The following NINL variants were observed in gnomAD, a reference collection of about 807,000 sequenced individuals.
NINL encodes ninein-like protein.
In NINL, 153 loss-of-function variants were observed where a neutral mutation model predicts 160.3. The observed-to-expected ratio is 0.95, with a 90% confidence interval of 0.84 to 1.09. The LOEUF (loss-of-function observed/expected upper bound fraction) is 1.09. NINL is among the 50% of genes least tolerant of loss of function. The pLI, the probability that NINL is intolerant of heterozygous loss-of-function variation, is 0.00. For missense variants in NINL, 1,829 were observed against 1,764.0 expected (o/e 1.04, Z -0.66); for synonymous variants, 800 against 734.8 (o/e 1.09, Z -1.43).
chr20:25,476,987 G>A lies in NINL; in HGVS notation c.2304C>T (p.Pro768=), dbSNP rs967225725. 14 of 1,604,208 alleles carry A rather than the reference G, an allele frequency of 8.7e-6. No individual in the cohort carries two copies. The highest frequency in any genetic ancestry group is 1.2e-5 in the Non-Finnish European group (14 of 1,179,788). ...CCGACCTCTGGCTCCCGCGTGGCAGGGGTCCCTGCGGCGGCTCCTCCAGCT... is the reference window on the plus strand; with the variant it reads ...CCGACCTCTGGCTCCCGCGTGGCAGAGGTCCCTGCGGCGGCTCCTCCAGCT... The part of the protein sequence containing the change: ...TLELEEPPQG[P]LPRGSQRSEQ... Residue 768 remains proline, a synonymous_variant, in exon 17 of 24, where the codon CCC becomes CCT. Transcript: ENST00000278886.
At chr20:25,510,311 A>C (rs1243935740) in intron 5 of NINL, among the ~76,000 whole-genome samples, 1 of 152,260 alleles carries the variant, frequency 6.6e-6, no homozygotes, top group African/African-American at 2.4e-5. Flanking sequence ...GTGCAGGGGC[A>C]GTCTGAGGTG....
intron 1 of NINL, among the ~76,000 whole-genome samples, chr20:25,557,948 G>A (rs2064888144): frequency 6.8e-6 from 1 of 146,980 alleles, no homozygotes; most frequent in South Asian, 2.2e-4. Context: ...GGCCGACATG[G>A]TGAAACCCCG....
chr20:25,519,240 T>C (rs2064220306), intron 2 of NINL, among the ~76,000 whole-genome samples: 1 of 152,154 alleles, frequency 6.6e-6, no homozygotes. Context: ...ACAAAGCCAG[T>C]GAAATATATT....
chr20:25,512,541 G>A (rs987929689), intron 4 of NINL, among the ~76,000 whole-genome samples: 9 of 152,118 alleles, frequency 5.9e-5, no homozygotes, highest in African/African-American at 1.9e-4. Context: ...CTTCCGCCAC[G>A]ATTGTGAGTT....
intron 1 of NINL, among the ~76,000 whole-genome samples, chr20:25,579,875 T>C (rs2065153466): frequency 6.6e-6 from 1 of 152,180 alleles, no homozygotes; most frequent in Non-Finnish European, 1.5e-5. Flanking sequence ...GGCTAAAATA[T>C]CCTAACTGAT....
intron 1 of NINL, among the ~76,000 whole-genome samples, chr20:25,570,644 C>CTT (rs370242636): frequency 1.0e-4 from 13 of 126,658 alleles, no homozygotes; most frequent in African/African-American, 3.1e-4. Context: ...AATACAGATA[C>CTT]TTTTTTTTTT....
chr20:25,475,891 T>C, intron 17 of NINL, 152 bp downstream of exon 17: 2 of 761,454 alleles, frequency 2.6e-6, no homozygotes, highest in Non-Finnish European at 2.1e-6. Flanking sequence ...TCACAACCCC[T>C]ACTCAGGCTG....
chr20:25,547,850 T>C (rs1490864659), intron 1 of NINL, among the ~76,000 whole-genome samples: 1 of 152,148 alleles, frequency 6.6e-6, no homozygotes, highest in Non-Finnish European at 1.5e-5. Context: ...TCATACACGC[T>C]GATGGGAAAT....
At chr20:25,551,030 G>A (rs1474095554) in intron 1 of NINL, among the ~76,000 whole-genome samples, 2 of 152,222 alleles carry the variant, frequency 1.3e-5, no homozygotes, top group Non-Finnish European at 2.9e-5. Context: ...AGGTCCCTGC[G>A]GCCTTCCGCA....
At chr20:25,540,334 C>G (rs2064641851) in intron 1 of NINL, among the ~76,000 whole-genome samples, 1 of 152,188 alleles carries the variant, frequency 6.6e-6, no homozygotes, top group Non-Finnish European at 1.5e-5. Context: ...AGGGGAAAAG[C>G]CTGTCCCCAA....
At position 25,501,017 on chromosome 20, in the gene NINL, G is replaced by A; in HGVS notation, c.862-7C>T. 6.2e-7 allele frequency: 1 copy of A among 1,613,328 alleles called. No homozygotes were observed. The highest frequency in any genetic ancestry group is 8.5e-7 in the Non-Finnish European group (1 of 1,179,668). On this transcript the variant is annotated splice_polypyrimidine_tract_variant and splice_region_variant and intron_variant, in intron 7 of 23. Transcript: ENST00000278886. ...AGCCGCTCTCCTCTGGGACCTGCAT[G>A]TCAGGAAGACTTCCATAGCGCCCAG...
chr20:25,508,628 C>T (rs542823284), intron 5 of NINL, among the ~76,000 whole-genome samples: 19 of 152,358 alleles, frequency 1.2e-4, no homozygotes, highest in South Asian at 4.1e-4. Context: ...AGGGGACACA[C>T]GCAATGCTGC....
At chr20:25,571,871 A>G (rs1275505489) in intron 1 of NINL, among the ~76,000 whole-genome samples, 5 of 120,198 alleles carry the variant, frequency 4.2e-5, no homozygotes, top group African/African-American at 1.7e-4. Flanking sequence ...CTGTCTGAAA[A>G]AAAAAAAAAA....
intron 1 of NINL, among the ~76,000 whole-genome samples, 195 bp from the exon 2 acceptor site, chr20:25,526,793 G>C (rs962278211): frequency 2.6e-5 from 4 of 152,222 alleles, no homozygotes; most frequent in Non-Finnish European, 2.9e-5. Context: ...GGAGAGGCCA[G>C]AGCAGGTTAA....
intron 2 of NINL, among the ~76,000 whole-genome samples, chr20:25,525,355 C>T (rs2064338582): frequency 6.6e-6 from 1 of 152,154 alleles, no homozygotes; most frequent in African/African-American, 2.4e-5. Context: ...TTCCCCAATT[C>T]AAAATAAAAA....
Position 25,489,982 on chromosome 20 carries a change from T to C in NINL, c.1489A>G (p.Asn497Asp), listed in dbSNP as rs151212605. Reference protein sequence around the residue: ...REKLTLALKENSRLQKEIVEV... With the variant: ...REKLTLALKEDSRLQKEIVEV... ...ACAATCTCCTTCTGTAGGCGACTGT[T>C]TTCCTAGGAGACACAGGCCAGTGGC... is the stretch of plus-strand genomic sequence containing the variant. Residue 497 changes from asparagine to aspartate, a missense_variant, in exon 12 of 24, where the codon AAC becomes GAC. Asn to Asp is a conservative substitution (Grantham distance 23). Coordinates refer to ENST00000278886, the MANE Select transcript of NINL (RefSeq NM_025176.6). 2.5e-6 allele frequency: 4 copies of C among 1,613,922 alleles called. No homozygotes were observed. Among genetic ancestry groups the C allele is most frequent in the Non-Finnish European group, 3.4e-6 (4 of 1,179,900 alleles).
intron 7 of NINL, among the ~76,000 whole-genome samples, chr20:25,502,695 G>C (rs958209264): frequency 2.0e-5 from 3 of 152,088 alleles, no homozygotes; most frequent in African/African-American, 7.2e-5. Context: ...TCATGATAGT[G>C]AGTGAATTCT....
intron 19 of NINL, among the ~76,000 whole-genome samples, chr20:25,464,491 T>C (rs2062863584): frequency 6.6e-6 from 1 of 152,186 alleles, no homozygotes; most frequent in Admixed American, 6.5e-5. Context: ...CTTGAACAGT[T>C]GCAAGACTAG....
Position 25,462,461 on chromosome 20 carries a change from G to A in NINL, c.3504C>T (p.Ala1168=), listed in dbSNP as rs143715264. The change falls in exon 20 of 24, where the codon GCC becomes GCT. Residue 1168 remains alanine (A), a synonymous_variant. Transcript: ENST00000278886. ...TGGTCACACGATGCTCCTCGTTTTG[G>A]GCCTGGTGGGTAGAAGCCTCCTGTC... ...QLGQEASTHQ[A]QNEEHRVTIQ... is the part of the protein sequence containing the mutation. The A allele has an allele frequency of 3.2e-4, 516 of 1,614,138 alleles. 7 individuals carry two copies. The East Asian group carries it at 0.01, about 32-fold the overall frequency.
Sources: allele counts gnomAD v4.1 joint callset (sites outside exome capture counted in the v4.1 genomes callset), GRCh38; gene constraint gnomAD v4.1.1; transcripts MANE v1.5; gene names NCBI Gene and HGNC (gene_info 2026-07-23, HGNC 2026-07-21).